Variants in XRCC2 observed in about 807,000 individuals in gnomAD.
XRCC2 encodes X-ray repair cross complementing 2, also known as DNA repair protein XRCC2.
A neutral mutation model predicts 27.3 loss-of-function variants in XRCC2; 24 were observed. That is an observed-to-expected ratio of 0.88 (90% CI 0.64 to 1.24). The LOEUF (loss-of-function observed/expected upper bound fraction) is 1.24. Ranked by LOEUF, XRCC2 falls within the 50% of genes most tolerant of loss-of-function variation. The pLI, the probability that XRCC2 is intolerant of heterozygous loss-of-function variation, is 0.00. For synonymous variants in XRCC2, 106 were observed against 115.4 expected (o/e 0.92, Z 0.52); for missense variants, 321 against 325.8 (o/e 0.99, Z 0.11).
At chr7:152,674,698 T>TATATATTATATATTTTTTAAA (rs1339404458) in intron 1 of XRCC2, among the ~76,000 whole-genome samples, 1 of 69,772 alleles carries the variant, frequency 1.4e-5, no homozygotes, top group Non-Finnish European at 2.4e-5. Context: ...TATTTTTAAA[T>TATATATTATATATTTTTTAAA]ATATATTTAT....
rs1308800894 is a variant in XRCC2, at chr7:152,645,513, AGAT to A, written c.*3126_*3128del. 4 of 152,210 alleles carry A rather than the reference AGAT, an allele frequency of 2.6e-5. No homozygotes were observed. Among genetic ancestry groups the A allele is most frequent in the Non-Finnish European group, 5.9e-5 (4 of 68,038 alleles). 9.4% of individuals were successfully genotyped at this position (152,210 alleles called of 1,614,324 possible). The stretch of plus-strand genomic sequence containing the variant: ...CTCTTAATTCTAATAATCTGCTTAT[AGAT>A]GATATTGGATTTCCATACATACAAT... On this transcript the variant is annotated 3_prime_UTR_variant, in exon 3 of 3. Coordinates refer to ENST00000359321, the MANE Select transcript of XRCC2 (RefSeq NM_005431.2).
chr7:152,657,848 C>T (rs920469402), intron 2 of XRCC2, among the ~76,000 whole-genome samples: 3 of 151,148 alleles, frequency 2.0e-5, no homozygotes, highest in Non-Finnish European at 4.4e-5. Context: ...TAAAATGGTA[C>T]ATTAGAAAAT....
chr7:152,675,992 C>A (rs759932895), intron 1 of XRCC2, 49 bp downstream of exon 1: 1 of 1,612,032 alleles, frequency 6.2e-7, no homozygotes, highest in Non-Finnish European at 8.5e-7. Context: ...CCCTCGCCCA[C>A]CGGCGGCCTT....
intron 1 of XRCC2, among the ~76,000 whole-genome samples, chr7:152,662,664 C>A (rs2098033653): frequency 6.8e-6 from 1 of 146,818 alleles, no homozygotes; most frequent in East Asian, 2.0e-4. Context: ...GCTCCGCCTC[C>A]CGGGTTCACG....
intron 2 of XRCC2, among the ~76,000 whole-genome samples, chr7:152,651,692 C>A (rs960564371): frequency 1.3e-5 from 2 of 151,672 alleles, no homozygotes; most frequent in Non-Finnish European, 2.9e-5. Context: ...TTTTGTATTT[C>A]TTGTAAAGAC....
intron 2 of XRCC2, among the ~76,000 whole-genome samples, chr7:152,650,630 C>A (rs776046838): frequency 3.0e-4 from 46 of 152,212 alleles, no homozygotes; most frequent in Admixed American, 5.9e-4. Context: ...GTGGCTCACG[C>A]CTGTAATCCC....
intron 2 of XRCC2, among the ~76,000 whole-genome samples, chr7:152,653,338 A>G (rs2098029342): frequency 1.3e-5 from 2 of 152,210 alleles, no homozygotes; most frequent in African/African-American, 4.8e-5. Flanking sequence ...TAAATTGCCC[A>G]GTCTTGGGTA....
At chr7:152,672,896 T>C (rs1287344825) in intron 1 of XRCC2, among the ~76,000 whole-genome samples, 1 of 152,226 alleles carries the variant, frequency 6.6e-6, no homozygotes, top group Non-Finnish European at 1.5e-5. Flanking sequence ...ATTCAAGGCA[T>C]ATTAGCATTC....
intron 1 of XRCC2, 43 bp downstream of exon 1, chr7:152,675,998 G>C (rs764865989): frequency 2.5e-6 from 4 of 1,612,400 alleles, no homozygotes; most frequent in Non-Finnish European, 3.4e-6. Context: ...CCCACCGGCG[G>C]CCTTGTTCCC....
intron 2 of XRCC2, among the ~76,000 whole-genome samples, chr7:152,659,931 C>T (rs1360968196): frequency 1.3e-5 from 2 of 151,858 alleles, no homozygotes; most frequent in African/African-American, 4.8e-5. Flanking sequence ...GCAACATGTA[C>T]ACTCATGCAA....
At chr7:152,671,861 C>T (rs1275433747) in intron 1 of XRCC2, among the ~76,000 whole-genome samples, 6 of 151,952 alleles carry the variant, frequency 3.9e-5, no homozygotes, top group East Asian at 1.9e-4. Flanking sequence ...GGAAACATGG[C>T]GAAACCCCAT....
chr7:152,663,099 G>A (rs3218458), intron 1 of XRCC2, among the ~76,000 whole-genome samples: 12,424 of 152,064 alleles, frequency 0.082, 769 homozygotes, highest in Admixed American at 0.2. Context: ...TAAAGTTACA[G>A]GGTGCTTAAT....
At position 152,648,674 on chromosome 7, in the gene XRCC2, TAAA is replaced by T. The variant is rs730882049; in HGVS notation, c.808_810del (p.Phe270del). On this transcript the variant is annotated inframe_deletion, in exon 3 of 3. Coordinates refer to ENST00000359321, the MANE Select transcript of XRCC2 (RefSeq NM_005431.2). ...AATTCAACCCCACTTTCTCCAATAA[TAAA>T]AAAATGTTTTTTTAAACTGTTACTT... The T allele has an allele frequency of 6.8e-6, 11 of 1,607,416 alleles. No individual in the cohort carries two copies. Among genetic ancestry groups the T allele is most frequent in the Non-Finnish European group, 9.3e-6 (11 of 1,177,600 alleles).
At chr7:152,675,239 G>A (rs1348835442) in intron 1 of XRCC2, among the ~76,000 whole-genome samples, 1 of 152,026 alleles carries the variant, frequency 6.6e-6, no homozygotes, top group African/African-American at 2.4e-5. Flanking sequence ...CGCTCTGAAT[G>A]TCATCCTCTC....
chr7:152,651,140 A>G (rs2098028359), intron 2 of XRCC2, among the ~76,000 whole-genome samples: 1 of 151,004 alleles, frequency 6.6e-6, no homozygotes, highest in Admixed American at 6.6e-5. Context: ...GGGTTTTGCC[A>G]TGTTGGCCAG....
At position 152,649,132 on chromosome 7, in the gene XRCC2, A is replaced by G. The variant is rs185815454; in HGVS notation, c.353T>C (p.Val118Ala). ...IKYCLGRFFL[V>A]YCSSSTHLLL... is the part of the protein sequence containing the mutation. ...TAAGTGGGTGCTACTACTGCAGTAC[A>G]CCAAAAAAAATCTTCCCAGGCAGTA... Residue 118 changes from valine to alanine, a missense_variant, in exon 3 of 3, where the codon GTG (valine) becomes GCG (alanine). Physicochemically the swap from Val to Ala is moderately conservative, Grantham distance 64. Coordinates refer to ENST00000359321, the MANE Select transcript of XRCC2 (RefSeq NM_005431.2). The G allele has an allele frequency of 1.2e-5, 20 of 1,613,776 alleles. No homozygotes were observed. Among genetic ancestry groups the G allele is most frequent in the Middle Eastern group, 1.6e-4 (1 of 6,062 alleles).
chr7:152,663,891 C>T (rs1003737634), intron 1 of XRCC2: 7 of 151,388 alleles, frequency 4.6e-5, no homozygotes, highest in African/African-American at 1.7e-4. Flanking sequence ...CTTTGAGCCA[C>T]ACAGCAATGT....
At chr7:152,650,639 C>T (rs1212929688) in intron 2 of XRCC2, among the ~76,000 whole-genome samples, 2 of 152,194 alleles carry the variant, frequency 1.3e-5, no homozygotes, top group Non-Finnish European at 2.9e-5. Context: ...GCCTGTAATC[C>T]CAGCACTTTG....
chr7:152,671,270 G>A (rs28620423), intron 1 of XRCC2, among the ~76,000 whole-genome samples: 2,019 of 152,130 alleles, frequency 0.013, 43 homozygotes, highest in African/African-American at 0.046. Flanking sequence ...CAGAGAAAGC[G>A]TAAGAATAGT....
Sources: allele counts gnomAD v4.1 joint callset (sites outside exome capture counted in the v4.1 genomes callset), GRCh38; gene constraint gnomAD v4.1.1; transcripts MANE v1.5; gene names NCBI Gene and HGNC (gene_info 2026-07-23, HGNC 2026-07-21).